The following GGA3 variants were observed in gnomAD, a reference collection of about 807,000 sequenced individuals.
GGA3 encodes ADP-ribosylation factor-binding protein GGA3.
GGA3 carries 57 observed loss-of-function variants against 77.5 expected under a neutral mutation model. The ratio of observed to expected loss-of-function variants is 0.74; its 90% CI spans 0.59 to 0.92. The LOEUF is 0.92. Ranked by LOEUF, GGA3 falls within the 40% of genes least tolerant of loss-of-function variation. The pLI is 0.00. For missense variants in GGA3, 970 were observed against 914.9 expected (o/e 1.06, Z -0.78); for synonymous variants, 416 against 383.7 (o/e 1.08, Z -0.98).
intron 3 of GGA3, among the ~76,000 whole-genome samples, chr17:75,246,292 G>A (rs2076754032): frequency 6.6e-6 from 1 of 152,206 alleles, no homozygotes; most frequent in Non-Finnish European, 1.5e-5. Flanking sequence ...ATGCTGGCAG[G>A]GACGGCACTG....
At chr17:75,256,345 C>T (rs1356363297) in intron 1 of GGA3, among the ~76,000 whole-genome samples, 1 of 152,122 alleles carries the variant, frequency 6.6e-6, no homozygotes, top group African/African-American at 2.4e-5. Flanking sequence ...ATACTTTCTG[C>T]TCCCCGGCTC....
intron 1 of GGA3, among the ~76,000 whole-genome samples, chr17:75,254,972 C>A (rs2077093263): frequency 6.6e-6 from 1 of 152,192 alleles, no homozygotes; most frequent in Admixed American, 6.5e-5. Flanking sequence ...GACAGCCACT[C>A]CCAGAGCCCC....
chr17:75,261,478 G>A lies in GGA3; in HGVS notation c.40+70C>T, dbSNP rs887142180. 3 of 1,245,366 alleles carry A rather than the reference G, an allele frequency of 2.4e-6. No homozygotes were observed. The African/African-American group carries it at 4.7e-5, about 19-fold the overall frequency. 77.1% of individuals were successfully genotyped at this position (1,245,366 alleles called of 1,614,324 possible). On this transcript the variant is annotated intron_variant, in intron 1 of 16. Transcript: ENST00000537686. ...AGGCGACGCCGTGGAGCCCGGGGAG[G>A]GGACGTGGGGGTGAAGACAGGGGCA...
chr17:75,252,468 CCT>C (rs1162342775), intron 1 of GGA3, among the ~76,000 whole-genome samples: 3 of 152,068 alleles, frequency 2.0e-5, no homozygotes, highest in Non-Finnish European at 4.4e-5. Context: ...CTCCTTCTTC[CCT>C]CTCTCCTCAT....
rs1363350756 is a variant in GGA3, at chr17:75,242,820, G to C, written c.609+11C>G. 1 of 1,606,026 alleles carries C rather than the reference G, an allele frequency of 6.2e-7. No individual in the cohort carries two copies. The highest frequency in any genetic ancestry group is 1.7e-5 in the Admixed American group (1 of 60,010). On this transcript the variant is annotated intron_variant, in intron 7 of 16. Transcript: ENST00000537686. Reference sequence around the variant, plus strand: ...CTCCACCCCGTGCCTGAAGGACCGGGGCCCACTCACTTCCTTCACCATGGA... The same window carrying C: ...CTCCACCCCGTGCCTGAAGGACCGGCGCCCACTCACTTCCTTCACCATGGA...
At chr17:75,257,238 G>T (rs1305810942) in intron 1 of GGA3, among the ~76,000 whole-genome samples, 5 of 148,544 alleles carry the variant, frequency 3.4e-5, no homozygotes, top group African/African-American at 9.8e-5. Context: ...TTTTTATTAG[G>T]CCCCAGTCTC....
At chr17:75,257,529 T>C (rs2145601382) in intron 1 of GGA3, among the ~76,000 whole-genome samples, 1 of 152,330 alleles carries the variant, frequency 6.6e-6, no homozygotes, top group South Asian at 2.1e-4. Context: ...TCTAATCAGA[T>C]GTCCTAGGTC....
At chr17:75,242,961 C>G (rs757314454) in intron 6 of GGA3, 50 bp from the exon 7 acceptor site, 1 of 1,515,776 alleles carries the variant, frequency 6.6e-7, no homozygotes, top group African/African-American at 1.4e-5. Flanking sequence ...CACCCGTACC[C>G]CAGGGAAACC....
rs770021219 is a variant in GGA3 at position 75,243,052 on chromosome 17, G to C, written c.528+11C>G. 16 of 1,594,004 alleles carry C rather than the reference G, an allele frequency of 1.0e-5. No homozygotes were observed. Among genetic ancestry groups the C allele is most frequent in the African/African-American group, 2.7e-5 (2 of 74,488 alleles). ...CGTATGAGAAAATCCCAGGCCCAGG[G>C]TGTCCTTTACCTTGGACTTCTCCTC... On this transcript the variant is annotated intron_variant, in intron 6 of 16. Coordinates refer to ENST00000537686, the MANE Select transcript of GGA3 (RefSeq NM_138619.4).
chr17:75,257,280 C>CG (rs1555591602), intron 1 of GGA3, among the ~76,000 whole-genome samples: 1 of 13,382 alleles, frequency 7.5e-5, no homozygotes. Context: ...TAGACTGTGC[C>CG]CCCCCCCCCA....
chr17:75,250,716 T>C (rs560822018), intron 1 of GGA3, among the ~76,000 whole-genome samples: 57 of 142,596 alleles, frequency 4.0e-4, no homozygotes, highest in Non-Finnish European at 7.1e-4. Context: ...GAGCCATGAT[T>C]GTACCACTGC....
At chr17:75,256,805 T>A (rs935972941) in intron 1 of GGA3, among the ~76,000 whole-genome samples, 5 of 152,256 alleles carry the variant, frequency 3.3e-5, no homozygotes, top group African/African-American at 9.6e-5. Context: ...TTACTCAACA[T>A]GCCCCGAGTC....
chr17:75,261,000 T>G (rs984272877), intron 1 of GGA3, among the ~76,000 whole-genome samples: 11 of 152,234 alleles, frequency 7.2e-5, no homozygotes, highest in Non-Finnish European at 1.6e-4. Context: ...CTCTGTTCTC[T>G]ATCATCGCTC....
chr17:75,258,269 C>T (rs1052120160), intron 1 of GGA3, among the ~76,000 whole-genome samples: 3 of 152,190 alleles, frequency 2.0e-5, no homozygotes, highest in South Asian at 2.1e-4. Flanking sequence ...TCTCTTCACA[C>T]GGACGCGCAT....
At chr17:75,258,187 T>C (rs2077221956) in intron 1 of GGA3, among the ~76,000 whole-genome samples, 1 of 152,232 alleles carries the variant, frequency 6.6e-6, no homozygotes, top group Non-Finnish European at 1.5e-5. Context: ...GCTGACTCTC[T>C]TTTCGGACTC....
chr17:75,257,614 C>A (rs918893357), intron 1 of GGA3, among the ~76,000 whole-genome samples: 1 of 152,102 alleles, frequency 6.6e-6, no homozygotes, highest in South Asian at 2.1e-4. Context: ...TCATACAAAA[C>A]CATATCCAGG....
intron 11 of GGA3, 98 bp downstream of exon 11, chr17:75,240,714 C>T (rs1357330168): frequency 1.5e-6 from 2 of 1,337,266 alleles, no homozygotes; most frequent in South Asian, 2.9e-5. Context: ...CCCACCCCAA[C>T]AGTCACACTG....
intron 1 of GGA3, among the ~76,000 whole-genome samples, chr17:75,259,041 CCT>C (rs2077254779): frequency 6.6e-6 from 1 of 151,618 alleles, no homozygotes; most frequent in Admixed American, 6.6e-5. Context: ...GCAAGCTCCA[CCT>C]CTCGGGTTCA....
At chr17:75,247,525 G>T (rs933452756) in intron 1 of GGA3, among the ~76,000 whole-genome samples, 1 of 152,194 alleles carries the variant, frequency 6.6e-6, no homozygotes, top group Admixed American at 6.5e-5. Context: ...GCCTCCCAAA[G>T]TGCTGGGATT....
Sources: allele counts gnomAD v4.1 joint callset (sites outside exome capture counted in the v4.1 genomes callset), GRCh38; gene constraint gnomAD v4.1.1; transcripts MANE v1.5; gene names NCBI Gene and HGNC (gene_info 2026-07-23, HGNC 2026-07-21).